ARNT2: variants seen among roughly 807,000 people sequenced by gnomAD.
ARNT2 encodes the protein ARNT protein 2.
ARNT2 carries 36 observed loss-of-function variants against 91.7 expected under a neutral mutation model. That is an observed-to-expected ratio of 0.39 (90% confidence interval 0.30 to 0.52). The LOEUF (loss-of-function observed/expected upper bound fraction) is 0.52, where lower values mean the gene tolerates loss of function less well. ARNT2 is among the 20% of genes least tolerant of loss of function. ARNT2 has a pLI of 0.72. For missense variants in ARNT2, 775 were observed against 939.3 expected (o/e 0.83, Z 2.29); for synonymous variants, 365 against 347.1 (o/e 1.05, Z -0.57).
In ARNT2 at chr15:80,440,626, G is replaced by A. The variant is rs571959247; in HGVS notation, c.32-10254G>A. 3.1e-4 allele frequency among the ~76,000 whole-genome samples: 47 copies of A among 152,232 alleles called. 2 individuals are homozygous for A. The highest frequency in any genetic ancestry group is 2.6e-3 in the Admixed American group (40 of 15,304). ...AGCTGAGGTGGGAGGGCATCTCCCC[G>A]GGCTGCCTTGGGACTGGTTTCAATT... On this transcript the variant is annotated intron_variant, in intron 1 of 18. Transcript: ENST00000303329.
At chr15:80,549,678 C>T (rs962604015) in intron 8 of ARNT2, among the ~76,000 whole-genome samples, 1 of 152,182 alleles carries the variant, frequency 6.6e-6, no homozygotes, top group Admixed American at 6.5e-5. Flanking sequence ...GTCAGACTGA[C>T]AAACATTAAA....
chr15:80,562,951 ACTGT>A, intron 11 of ARNT2, 133 bp from the exon 12 acceptor site: 1 of 923,110 alleles, frequency 1.1e-6, no homozygotes, highest in South Asian at 1.5e-5. Context: ...TCCCTCTCTT[ACTGT>A]CTTTTAGCCA....
At chr15:80,445,304 C>A (rs1283164268) in intron 1 of ARNT2, among the ~76,000 whole-genome samples, 1 of 120,406 alleles carries the variant, frequency 8.3e-6, no homozygotes. Flanking sequence ...GTATATGTGT[C>A]GAGAGTGGTG....
chr15:80,591,490 C>T lies in ARNT2; in HGVS notation c.1919-78C>T, dbSNP rs1477423550. 1.9e-5 allele frequency: 30 copies of T among 1,581,434 alleles called. No individual in the cohort carries two copies. In the East Asian group the frequency reaches 6.7e-4, roughly 36 times the overall value. On this transcript the variant is annotated intron_variant, in intron 17 of 18. Transcript: ENST00000303329. This position sits in a 1 kb window ranked among gnomAD's most constrained non-coding sequence, Gnocchi z 5.1. Reference sequence around the variant, plus strand: ...TGCCTTTCAGAAGCGGGAGGCCCTCCAGCCGCAGTGGTTCTTAGGTCTCAC... The same window carrying T: ...TGCCTTTCAGAAGCGGGAGGCCCTCTAGCCGCAGTGGTTCTTAGGTCTCAC...
chr15:80,541,075 A>G (rs1897897580), intron 8 of ARNT2, among the ~76,000 whole-genome samples: 1 of 152,226 alleles, frequency 6.6e-6, no homozygotes, highest in Non-Finnish European at 1.5e-5. Flanking sequence ...GCTGCTTTCC[A>G]CAGTGGCTGA....
chr15:80,458,011 G>T, intron 3 of ARNT2, 35 bp downstream of exon 3: 1 of 1,590,210 alleles, frequency 6.3e-7, no homozygotes, highest in Non-Finnish European at 8.6e-7. Flanking sequence ...ACTTAAAGAA[G>T]GCAATAGCCA....
chr15:80,437,975 T>G (rs1896118326), intron 1 of ARNT2, among the ~76,000 whole-genome samples: 1 of 147,776 alleles, frequency 6.8e-6, no homozygotes. Flanking sequence ...TCTCTTTCTC[T>G]GTCTGGATGT....
Position 80,412,180 on chromosome 15 carries a change from T to A in ARNT2, c.31+7634T>A, listed in dbSNP as rs980632587. On this transcript the variant is annotated intron_variant, in intron 1 of 18. Transcript: ENST00000303329. ...GCCAAGTCTATAACAATTTGACCAT[T>A]TTTTTCAGGGAAATCTACAAAAATG... is the stretch of plus-strand genomic sequence containing the variant. Among the ~76,000 whole-genome samples, 11 of 152,296 alleles carry A rather than the reference T, an allele frequency of 7.2e-5. No homozygotes were observed. The South Asian group carries it at 2.1e-3, about 29-fold the overall frequency.
intron 8 of ARNT2, among the ~76,000 whole-genome samples, chr15:80,516,828 A>AATATATATATAT (rs56146872): frequency 0.054 from 4,058 of 74,530 alleles, 306 homozygotes; most frequent in South Asian, 0.097. Context: ...TACAATTACA[A>AATATATATATAT]ATATATATAT....
intron 8 of ARNT2, among the ~76,000 whole-genome samples, chr15:80,529,928 G>A (rs931653965): frequency 1.3e-4 from 20 of 152,128 alleles, no homozygotes; most frequent in Non-Finnish European, 1.2e-4. Flanking sequence ...GCTGAATTAA[G>A]GTTGTGCCTT....
At chr15:80,444,539 G>A (rs1896257625) in intron 1 of ARNT2, 1 of 153,034 alleles carries the variant, frequency 6.5e-6, no homozygotes, top group African/African-American at 2.4e-5. Flanking sequence ...TGATGTGAAT[G>A]GTGTGTGCAT....
At chr15:80,502,030 C>G (rs934494224) in intron 5 of ARNT2, among the ~76,000 whole-genome samples, 1 of 152,318 alleles carries the variant, frequency 6.6e-6, no homozygotes, top group African/African-American at 2.4e-5. Context: ...TCTTACAAAG[C>G]CAGCCATTGT....
chr15:80,589,916 T>C (rs966533368), intron 17 of ARNT2, among the ~76,000 whole-genome samples: 6 of 152,186 alleles, frequency 3.9e-5, no homozygotes, highest in African/African-American at 1.4e-4. Context: ...AGGAGGGGAA[T>C]GTACCCTGCC....
At chr15:80,497,547 G>A (rs1043646476) in intron 5 of ARNT2, among the ~76,000 whole-genome samples, 12 of 152,232 alleles carry the variant, frequency 7.9e-5, no homozygotes, top group African/African-American at 2.9e-4. Flanking sequence ...CCTCGATCTT[G>A]TCCTTATGAG....
chr15:80,485,873 G>A (rs949841262), intron 5 of ARNT2, among the ~76,000 whole-genome samples: 2 of 152,236 alleles, frequency 1.3e-5, no homozygotes, highest in African/African-American at 4.8e-5. Flanking sequence ...TGCGAGGGCT[G>A]ATGCAGGCTT....
At chr15:80,487,410 G>T (rs1896994174) in intron 5 of ARNT2, among the ~76,000 whole-genome samples, 1 of 152,190 alleles carries the variant, frequency 6.6e-6, no homozygotes. Context: ...CGCGTGGAGG[G>T]GTCAAGTCCA....
intron 8 of ARNT2, among the ~76,000 whole-genome samples, chr15:80,547,329 C>T (rs1423444913): frequency 5.3e-5 from 8 of 152,092 alleles, no homozygotes; most frequent in Admixed American, 5.2e-4. Flanking sequence ...TACACACTTG[C>T]AATTAAAAAA....
chr15:80,413,124 C>G (rs943814932), intron 1 of ARNT2, among the ~76,000 whole-genome samples: 2 of 152,038 alleles, frequency 1.3e-5, no homozygotes, highest in Admixed American at 1.3e-4. Flanking sequence ...CAGGTCAAAA[C>G]AGGCAGGAAG....
intron 10 of ARNT2, 46 bp downstream of exon 10, chr15:80,552,820 T>C (rs1385176783): frequency 3.8e-6 from 6 of 1,595,718 alleles, no homozygotes; most frequent in South Asian, 1.1e-5. Flanking sequence ...AGAGATTTAA[T>C]TGTTTTTAAA....
Sources: gnomAD v4.1 joint callset for allele counts (sites outside exome capture counted in the v4.1 genomes callset) on GRCh38, gnomAD v4.1.1 for gene constraint, Gnocchi (gnomAD v3.1) non-coding constraint, MANE v1.5 for transcripts, NCBI Gene and HGNC (gene_info 2026-07-23, HGNC 2026-07-21) for gene names.